HIVEP3: variants seen among roughly 807,000 people sequenced by gnomAD.
HIVEP3 encodes HIVEP zinc finger 3.
In HIVEP3, 49 loss-of-function variants were observed where a neutral mutation model predicts 152.8. That is an observed-to-expected ratio of 0.32 (90% CI 0.26 to 0.41). The LOEUF is 0.41. Ranked by LOEUF, HIVEP3 falls within the 10% of genes least tolerant of loss-of-function variation. The probability of loss-of-function intolerance (pLI) is 1.00; values close to 1 mark genes in which losing one functional copy is unlikely to be tolerated. For synonymous variants in HIVEP3, 1,269 were observed against 1,289.0 expected, an observed-to-expected ratio of 0.98 and a Z score of 0.33; for missense variants, 2,790 against 3,103.3, an observed-to-expected ratio of 0.90 and a Z score of 2.40.
chr1:41,560,922 G>T (rs148071141), intron 5 of HIVEP3, among the ~76,000 whole-genome samples: 1 of 152,166 alleles, frequency 6.6e-6, no homozygotes, highest in South Asian at 2.1e-4. Flanking sequence ...ACACGGCCAC[G>T]GTCCTGCCCA....
At chr1:42,001,451 CACAGTGCCTGAT>C (rs1645427192) in intron 1 of HIVEP3, among the ~76,000 whole-genome samples, 1 of 152,192 alleles carries the variant, frequency 6.6e-6, no homozygotes, top group Non-Finnish European at 1.5e-5. Flanking sequence ...AACCTCACTA[CACAGTGCCTGAT>C]ACAGTGTCTG....
chr1:41,643,321 TCA>T (rs1223063373), intron 2 of HIVEP3, among the ~76,000 whole-genome samples: 1 of 152,200 alleles, frequency 6.6e-6, no homozygotes, highest in Non-Finnish European at 1.5e-5. Flanking sequence ...GTAACATCAA[TCA>T]CACTGTCCAG....
intron 1 of HIVEP3, among the ~76,000 whole-genome samples, chr1:41,917,881 C>T (rs1027965462): frequency 6.6e-6 from 1 of 152,202 alleles, no homozygotes. Flanking sequence ...TCTCAGCAGC[C>T]AGCATCATAC....
chr1:41,613,909 C>T (rs999161411), intron 3 of HIVEP3, among the ~76,000 whole-genome samples: 5 of 152,196 alleles, frequency 3.3e-5, no homozygotes, highest in African/African-American at 4.8e-5. Flanking sequence ...TGGAATCACC[C>T]GCCATATGTC....
intron 3 of HIVEP3, among the ~76,000 whole-genome samples, chr1:41,619,146 C>A (rs1466016963): frequency 6.6e-6 from 1 of 152,204 alleles, no homozygotes; most frequent in Non-Finnish European, 1.5e-5. Context: ...CCCCCACCCC[C>A]ACTCCTCCAG....
intron 2 of HIVEP3, among the ~76,000 whole-genome samples, chr1:41,637,729 T>C (rs1285248921): frequency 6.6e-6 from 1 of 152,216 alleles, no homozygotes; most frequent in African/African-American, 2.4e-5. Context: ...GAAACATGCG[T>C]TCTTGTTTCT....
chr1:41,650,925 T>C (rs534802893), intron 2 of HIVEP3, among the ~76,000 whole-genome samples: 1 of 152,384 alleles, frequency 6.6e-6, no homozygotes, highest in African/African-American at 2.4e-5. Flanking sequence ...TTGTCTCTGC[T>C]GGACACTGAG....
intron 5 of HIVEP3, chr1:41,543,268 G>A (rs781590990): frequency 8.5e-5 from 13 of 152,172 alleles, no homozygotes; most frequent in Non-Finnish European, 1.6e-4. Context: ...TCAGTTCAAA[G>A]TACTTAATGG....
chr1:41,607,928 A>C (rs975477341), intron 3 of HIVEP3, among the ~76,000 whole-genome samples: 2 of 152,190 alleles, frequency 1.3e-5, no homozygotes, highest in African/African-American at 4.8e-5. Context: ...CACCCTACTC[A>C]GTGGGAACGA....
At chr1:41,984,092 C>G (rs901871637) in intron 1 of HIVEP3, among the ~76,000 whole-genome samples, 6 of 152,210 alleles carry the variant, frequency 3.9e-5, no homozygotes, top group African/African-American at 1.4e-4. Flanking sequence ...CCCTCCTCAG[C>G]CTCCTGAGTA....
chr1:41,629,087 C>G (rs148626544), intron 2 of HIVEP3, 140 bp from the exon 3 acceptor site: 1 of 424,132 alleles, frequency 2.4e-6, no homozygotes, highest in African/African-American at 2.1e-5. Flanking sequence ...GGGCCTGATC[C>G]CCACATCCCC....
intron 3 of HIVEP3, among the ~76,000 whole-genome samples, chr1:41,621,958 A>T (rs932673124): frequency 1.3e-5 from 2 of 152,230 alleles, no homozygotes. Context: ...TCCACTTGAC[A>T]TCAGTTAGGG....
At chr1:41,545,362 T>A (rs1317417406) in intron 5 of HIVEP3, among the ~76,000 whole-genome samples, 390 of 12,420 alleles carry the variant, frequency 0.031, no homozygotes, top group African/African-American at 0.11. Flanking sequence ...ATCGCCACCA[T>A]CACCACCACC....
At chr1:41,795,037 A>T (rs1013760615) in intron 1 of HIVEP3, among the ~76,000 whole-genome samples, 1 of 152,350 alleles carries the variant, frequency 6.6e-6, no homozygotes, top group East Asian at 1.9e-4. Context: ...CTATATAGTC[A>T]TGTGCTACCA....
At chr1:41,578,914 T>A (rs1017934739) in intron 4 of HIVEP3, among the ~76,000 whole-genome samples, 4 of 152,244 alleles carry the variant, frequency 2.6e-5, no homozygotes, top group African/African-American at 4.8e-5. Flanking sequence ...CAGCTGTTAT[T>A]CCACAAATGC....
chr1:41,679,309 A>T (rs1393689171), intron 2 of HIVEP3, among the ~76,000 whole-genome samples: 1 of 152,228 alleles, frequency 6.6e-6, no homozygotes, highest in Non-Finnish European at 1.5e-5. Context: ...GCCAAGGTCC[A>T]TGCCCAGGGT....
intron 1 of HIVEP3, among the ~76,000 whole-genome samples, chr1:41,856,545 C>T (rs189560838): frequency 1.2e-4 from 18 of 152,300 alleles, no homozygotes; most frequent in East Asian, 5.8e-4. Context: ...AGAAAACAAG[C>T]GGGCGTTCGC....
intron 2 of HIVEP3, among the ~76,000 whole-genome samples, chr1:41,683,429 C>G (rs1160191536): frequency 6.6e-6 from 1 of 152,226 alleles, no homozygotes; most frequent in Non-Finnish European, 1.5e-5. Context: ...CCACAGACAT[C>G]CTTGCATCTC....
rs536638869 is a variant in HIVEP3, at chr1:42,033,784, G to A, written n.119+2023C>T. On this transcript the variant is annotated intron_variant and non_coding_transcript_variant, in intron 1 of 3. Transcript: ENST00000489103. ...GAATATCATATTGTACAGACAGCAG[G>A]TAGAAATAATTGCCTCTTGAAAGCA... 2.0e-5 allele frequency among the ~76,000 whole-genome samples: 3 copies of A among 152,310 alleles called. No homozygotes were observed. In the South Asian group the frequency reaches 6.2e-4, roughly 32 times the overall value.
Sources: gnomAD v4.1 joint callset for allele counts (sites outside exome capture counted in the v4.1 genomes callset) on GRCh38, gnomAD v4.1.1 for gene constraint, MANE v1.5 for transcripts, NCBI Gene and HGNC (gene_info 2026-07-23, HGNC 2026-07-21) for gene names.